The following AFF2 variants were observed in gnomAD, a reference collection of about 807,000 sequenced individuals.
The protein encoded by AFF2 is AF4/FMR2 family member 2.
A neutral mutation model predicts 76.9 loss-of-function variants in AFF2; 14 were observed. That is an observed-to-expected ratio of 0.18 (90% CI 0.12 to 0.28). The LOEUF (loss-of-function observed/expected upper bound fraction) is 0.28. Ranked by LOEUF, AFF2 falls within the 10% of genes least tolerant of loss-of-function variation. AFF2 has a pLI of 1.00. For synonymous variants in AFF2, 398 were observed against 366.7 expected (o/e 1.09, Z -0.98); for missense variants, 868 against 1,001.1 (o/e 0.87, Z 1.79).
intron 4 of AFF2, among the ~76,000 whole-genome samples, chrX:148,823,418 A>C (rs2070350796): frequency 9.0e-6 from 1 of 111,616 alleles, no homozygotes; most frequent in Non-Finnish European, 1.9e-5. Flanking sequence ...TGGCTATTTG[A>C]ATTTAAATTA....
At chrX:148,607,250 T>C (rs2053680846) in intron 1 of AFF2, among the ~76,000 whole-genome samples, 2 of 111,448 alleles carry the variant, frequency 1.8e-5, no homozygotes, top group Non-Finnish European at 3.8e-5. Context: ...TAAAATTATT[T>C]GAGAATTTGG....
intron 1 of AFF2, among the ~76,000 whole-genome samples, chrX:148,582,304 AT>A (rs1210741314): frequency 9.0e-6 from 1 of 111,221 alleles, no homozygotes; most frequent in Non-Finnish European, 1.9e-5. Context: ...TAAAGTTAGT[AT>A]TTTTTTCTTT....
Position 148,588,293 on chromosome X carries a change from G to A in AFF2, c.48-63706G>A, listed in dbSNP as rs185471626. ...TTACTCCTTGAAGTGACGTGTGTGAGTAGTGCCATCGCTTTAAGGGTGGCA... is the reference window on the plus strand; with the variant it reads ...TTACTCCTTGAAGTGACGTGTGTGAATAGTGCCATCGCTTTAAGGGTGGCA... On this transcript the variant is annotated intron_variant, in intron 1 of 20. Transcript: ENST00000370460. Among the ~76,000 whole-genome samples, 7 of 112,986 alleles carry A rather than the reference G, an allele frequency of 6.2e-5. No individual in the cohort carries two copies. In the East Asian group the frequency reaches 1.4e-3, roughly 23 times the overall value.
At chrX:148,568,900 A>C (rs781926115) in intron 1 of AFF2, among the ~76,000 whole-genome samples, 80 of 111,686 alleles carry the variant, frequency 7.2e-4, no homozygotes, top group Non-Finnish European at 7.2e-4. Flanking sequence ...TAAAAGGAGC[A>C]TATTTCGTAA....
intron 12 of AFF2, among the ~76,000 whole-genome samples, chrX:148,961,844 T>A (rs1376060749): frequency 2.7e-5 from 3 of 112,722 alleles, no homozygotes; most frequent in African/African-American, 9.7e-5. Context: ...AAGCAAAGAT[T>A]AAAATTCAAG....
intron 7 of AFF2, 64 bp from the exon 8 acceptor site, chrX:148,885,825 T>C (rs1157669703): frequency 3.8e-5 from 35 of 918,258 alleles, no homozygotes; most frequent in Non-Finnish European, 5.4e-5. Flanking sequence ...CATTGCAAGA[T>C]GTATCCGAGG....
chrX:148,990,540 T>C (rs1191558459), intron 20 of AFF2, among the ~76,000 whole-genome samples: 1 of 112,550 alleles, frequency 8.9e-6, no homozygotes, highest in African/African-American at 3.2e-5. Flanking sequence ...TCGCGCTAGT[T>C]AGTAGTGTAG....
intron 1 of AFF2, among the ~76,000 whole-genome samples, chrX:148,568,907 G>A (rs183003848): frequency 8.1e-5 from 9 of 111,485 alleles, no homozygotes; most frequent in African/African-American, 9.8e-5. Flanking sequence ...AGCATATTTC[G>A]TAATCTATAG....
chrX:148,518,386 T>C (rs1407925173), intron 1 of AFF2, among the ~76,000 whole-genome samples: 2 of 112,421 alleles, frequency 1.8e-5, no homozygotes, highest in African/African-American at 6.5e-5. Context: ...CAGTGCTTCA[T>C]TGGCATAGTG....
At chrX:148,772,569 C>G (rs1462333797) in intron 3 of AFF2, among the ~76,000 whole-genome samples, 1 of 89,677 alleles carries the variant, frequency 1.1e-5, no homozygotes, top group African/African-American at 4.3e-5. Flanking sequence ...ACCAGAGCCC[C>G]CTATGATTTT....
chrX:148,981,241 A>G (rs2072388143), intron 19 of AFF2, among the ~76,000 whole-genome samples: 1 of 111,384 alleles, frequency 9.0e-6, no homozygotes, highest in Non-Finnish European at 1.9e-5. Context: ...TAATTTTTAT[A>G]TTAATACTAA....
intron 10 of AFF2, among the ~76,000 whole-genome samples, chrX:148,954,500 G>T (rs1557286976): frequency 8.9e-6 from 1 of 111,890 alleles, no homozygotes; most frequent in African/African-American, 3.2e-5. Flanking sequence ...GTTGAACATG[G>T]ACCATGCATG....
chrX:148,997,404 C>G lies in AFF2; in HGVS notation c.*6072C>G, dbSNP rs926910146. Reference sequence around the variant, plus strand: ...ATCTCAAAGAATTCATTCTCCTGGTCCTGTGCATCTTCTGCAGTTAATAAG... The same window carrying G: ...ATCTCAAAGAATTCATTCTCCTGGTGCTGTGCATCTTCTGCAGTTAATAAG... On this transcript the variant is annotated 3_prime_UTR_variant, in exon 21 of 21. Coordinates refer to ENST00000370460, the MANE Select transcript of AFF2 (RefSeq NM_002025.4). 13 of 111,714 alleles carry G rather than the reference C, an allele frequency of 1.2e-4. No homozygotes were observed. Among genetic ancestry groups the G allele is most frequent in the Admixed American group, 1.9e-4 (2 of 10,570 alleles). 9.2% of individuals were successfully genotyped at this position (111,714 alleles called of 1,213,427 possible).
At chrX:148,821,490 C>A (rs1410366931) in intron 4 of AFF2, among the ~76,000 whole-genome samples, 1 of 110,677 alleles carries the variant, frequency 9.0e-6, no homozygotes, top group Non-Finnish European at 1.9e-5. Flanking sequence ...GCCAATTCTC[C>A]CAACTGTGTG....
intron 3 of AFF2, among the ~76,000 whole-genome samples, chrX:148,761,510 A>C (rs1489548147): frequency 1.9e-5 from 2 of 105,198 alleles, no homozygotes; most frequent in African/African-American, 7.1e-5. Context: ...TTATTTTGCC[A>C]ATTGAAAACA....
At chrX:148,836,454 CT>C (rs2070526970) in intron 4 of AFF2, among the ~76,000 whole-genome samples, 1 of 111,278 alleles carries the variant, frequency 9.0e-6, no homozygotes, top group Admixed American at 9.6e-5. Flanking sequence ...TTAATATTAC[CT>C]TTGAAATGAC....
chrX:148,617,439 A>G, intron 1 of AFF2, among the ~76,000 whole-genome samples: 1 of 111,477 alleles, frequency 9.0e-6, no homozygotes, highest in East Asian at 2.9e-4. Context: ...TTTCTTGTAA[A>G]TTTGTTTGAG....
chrX:148,701,069 A>C (rs1207696398), intron 3 of AFF2, among the ~76,000 whole-genome samples: 1 of 104,683 alleles, frequency 9.6e-6, no homozygotes, highest in African/African-American at 3.6e-5. Context: ...GCCCATGTGC[A>C]CATGTGCCCA....
rs73638165 is a variant in AFF2 at position 148,566,830 on chromosome X, C to T, written c.47+65686C>T. Among the ~76,000 whole-genome samples, 401 of 111,652 alleles carry T rather than the reference C, an allele frequency of 3.6e-3. 4 individuals are homozygous for T. The highest frequency in any genetic ancestry group is 0.012 in the African/African-American group (381 of 30,730). On this transcript the variant is annotated intron_variant, in intron 1 of 20. Coordinates refer to ENST00000370460, the MANE Select transcript of AFF2 (RefSeq NM_002025.4). The stretch of plus-strand genomic sequence containing the variant: ...TAATTTCACCTTAAGCCAAAATCTC[C>T]TTTGTAGCTCTTTATAACCAAAGTG...
Sources: gnomAD v4.1 joint callset for allele counts (sites outside exome capture counted in the v4.1 genomes callset) on GRCh38, gnomAD v4.1.1 for gene constraint, MANE v1.5 for transcripts, NCBI Gene and HGNC (gene_info 2026-07-23, HGNC 2026-07-21) for gene names.